The following PRKD1 variants were observed in gnomAD, a reference collection of about 807,000 sequenced individuals.
PRKD1 encodes protein kinase D1.
Under a neutral mutation model 95.9 loss-of-function variants are expected in PRKD1, and 63 were observed. The observed-to-expected ratio is 0.66, with a 90% CI of 0.54 to 0.81. The LOEUF is 0.81. Ranked by LOEUF, PRKD1 falls within the 30% of genes least tolerant of loss-of-function variation. The pLI is 0.00. For synonymous variants in PRKD1, 425 were observed against 423.1 expected (o/e 1.00, Z -0.05); for missense variants, 1,048 against 1,165.3 (o/e 0.90, Z 1.47).
chr14:29,875,980 C>T (rs1566649494), intron 1 of PRKD1, among the ~76,000 whole-genome samples: 2 of 152,140 alleles, frequency 1.3e-5, no homozygotes, highest in Non-Finnish European at 2.9e-5. Flanking sequence ...AGTGCTGGTG[C>T]CCTGAGCCCC....
rs559401773 is a variant in PRKD1, at chr14:29,688,924, G to C, written c.404-22716C>G. 1.3e-3 allele frequency among the ~76,000 whole-genome samples: 175 copies of C among 139,736 alleles called. 1 individual carries two copies. Among genetic ancestry groups the C allele is most frequent in the African/African-American group, 4.3e-3 (154 of 35,848 alleles). 91.7% of individuals were successfully genotyped at this position (139,736 alleles called of 152,430 possible). On this transcript the variant is annotated intron_variant, in intron 2 of 17. Coordinates refer to ENST00000331968, the MANE Select transcript of PRKD1 (RefSeq NM_002742.3). ...AGACCACGCCACTGCACTCCAGCCT[G>C]GGTGATAGAGCGAGACTCCGTCTCA...
Position 29,749,719 on chromosome 14 carries a change from A to C in PRKD1, c.265-24045T>G, listed in dbSNP as rs546450369. 2.6e-5 allele frequency among the ~76,000 whole-genome samples: 4 copies of C among 152,306 alleles called. No individual in the cohort carries two copies. In the South Asian group the frequency reaches 8.3e-4, roughly 32 times the overall value. ...ACAGGGTGTGGTCACAGTAAAGTTT[A>C]ATAAGTAACCATTGTTTTCATAATT... On this transcript the variant is annotated intron_variant, in intron 1 of 17. Transcript: ENST00000331968.
intron 1 of PRKD1, among the ~76,000 whole-genome samples, chr14:29,870,726 T>C (rs1405479297): frequency 6.6e-6 from 1 of 152,194 alleles, no homozygotes; most frequent in Non-Finnish European, 1.5e-5. Context: ...CACACAGTAA[T>C]ATTATGTGTC....
chr14:29,599,125 T>C lies in PRKD1; in HGVS notation c.2068A>G (p.Ile690Val). 1.2e-6 allele frequency: 2 copies of C among 1,612,078 alleles called. No homozygotes were observed. Among genetic ancestry groups the C allele is most frequent in the East Asian group, 2.2e-5 (1 of 44,830 alleles). ...TGAAGGTGCCGCAAAGCCACGAGTA[T>C]CTGTAAAGAAGAATCACCAAAATTT... ...EHITKFLITQ[I>V]LVALRHLHFK... Residue 690 changes from isoleucine to valine, a missense_variant and splice_region_variant, in exon 15 of 18, where the codon ATA (isoleucine) becomes GTA (valine). Ile to Val is a conservative substitution (Grantham distance 29). Coordinates refer to ENST00000331968, the MANE Select transcript of PRKD1 (RefSeq NM_002742.3).
chr14:29,745,309 G>A (rs764285415), intron 1 of PRKD1, among the ~76,000 whole-genome samples: 14 of 152,238 alleles, frequency 9.2e-5, no homozygotes, highest in Non-Finnish European at 1.6e-4. Flanking sequence ...CCATTAGAGT[G>A]GGGACTTTTT....
intron 2 of PRKD1, among the ~76,000 whole-genome samples, chr14:29,696,117 G>A (rs1014255700): frequency 6.6e-6 from 1 of 152,096 alleles, no homozygotes; most frequent in Non-Finnish European, 1.5e-5. Context: ...TCAGCAAATC[G>A]CATGTTAGAG....
chr14:29,901,899 C>A (rs1231018241), intron 1 of PRKD1, among the ~76,000 whole-genome samples: 3 of 152,178 alleles, frequency 2.0e-5, no homozygotes, highest in African/African-American at 7.2e-5. Flanking sequence ...AGTTAGGAGG[C>A]TGCCAAGGAT....
intron 1 of PRKD1, among the ~76,000 whole-genome samples, chr14:29,778,224 G>T (rs1888864411): frequency 6.6e-6 from 1 of 152,090 alleles, no homozygotes; most frequent in Non-Finnish European, 1.5e-5. Context: ...ACAATTAAAA[G>T]AACTAGAGAA....
At chr14:29,794,687 C>T (rs568074936) in intron 1 of PRKD1, among the ~76,000 whole-genome samples, 1 of 152,012 alleles carries the variant, frequency 6.6e-6, no homozygotes, top group Non-Finnish European at 1.5e-5. Context: ...TCCCTTCCCT[C>T]CCCTCTTATA....
At chr14:29,844,439 C>A (rs1264532813) in intron 1 of PRKD1, among the ~76,000 whole-genome samples, 5 of 152,008 alleles carry the variant, frequency 3.3e-5, no homozygotes, top group African/African-American at 1.2e-4. Context: ...TGAACCAATT[C>A]AACAAATTAT....
At chr14:29,791,480 G>C (rs1404495996) in intron 1 of PRKD1, among the ~76,000 whole-genome samples, 1 of 152,054 alleles carries the variant, frequency 6.6e-6, no homozygotes, top group Admixed American at 6.6e-5. Context: ...CTCTCCCTTA[G>C]CTGTTTCCTA....
intron 1 of PRKD1, among the ~76,000 whole-genome samples, chr14:29,753,212 C>T (rs1363060974): frequency 1.3e-5 from 2 of 152,090 alleles, no homozygotes; most frequent in Non-Finnish European, 2.9e-5. Context: ...ACAAATTTTA[C>T]AGAGCTGGAA....
At chr14:29,637,470 A>G (rs913461505) in intron 6 of PRKD1, among the ~76,000 whole-genome samples, 2 of 152,178 alleles carry the variant, frequency 1.3e-5, no homozygotes, top group African/African-American at 4.8e-5. Context: ...ATTTTACCAG[A>G]TTTTTCTGAA....
At chr14:29,637,481 T>G (rs947621402) in intron 6 of PRKD1, among the ~76,000 whole-genome samples, 1 of 152,176 alleles carries the variant, frequency 6.6e-6, no homozygotes, top group Admixed American at 6.5e-5. Context: ...TTTTTCTGAA[T>G]GTATAAGAAA....
At chr14:29,676,429 A>C (rs1230770572) in intron 2 of PRKD1, among the ~76,000 whole-genome samples, 1 of 152,070 alleles carries the variant, frequency 6.6e-6, no homozygotes, top group East Asian at 1.9e-4. Flanking sequence ...ATCTCGGCTC[A>C]CTGCAACCTC....
chr14:29,808,480 A>G (rs1056491548), intron 1 of PRKD1, among the ~76,000 whole-genome samples: 7 of 135,046 alleles, frequency 5.2e-5, no homozygotes, highest in African/African-American at 2.0e-4. Flanking sequence ...GCTCACTACA[A>G]CCTCTGCCTC....
chr14:29,768,034 C>G (rs553162020), intron 1 of PRKD1, among the ~76,000 whole-genome samples: 2 of 152,254 alleles, frequency 1.3e-5, no homozygotes, highest in South Asian at 4.1e-4. Flanking sequence ...AGAAGTGTTT[C>G]TAGTATTCAC....
intron 1 of PRKD1, among the ~76,000 whole-genome samples, chr14:29,905,230 T>C (rs1256636301): frequency 6.6e-6 from 1 of 152,068 alleles, no homozygotes; most frequent in Non-Finnish European, 1.5e-5. Flanking sequence ...CACAAAACTC[T>C]TGAAGGAGAA....
chr14:29,908,156 AC>A (rs1216432231), intron 1 of PRKD1, among the ~76,000 whole-genome samples: 1 of 151,924 alleles, frequency 6.6e-6, no homozygotes, highest in Non-Finnish European at 1.5e-5. Flanking sequence ...AAAAAAAAAA[AC>A]TTATGCACTT....
Sources: gnomAD v4.1 joint callset for allele counts (sites outside exome capture counted in the v4.1 genomes callset) on GRCh38, gnomAD v4.1.1 for gene constraint, MANE v1.5 for transcripts, NCBI Gene and HGNC (gene_info 2026-07-23, HGNC 2026-07-21) for gene names.